The following LRRTM4 variants were observed in gnomAD, a reference collection of about 807,000 sequenced individuals.
LRRTM4 encodes leucine-rich repeat transmembrane neuronal protein 4.
A neutral mutation model predicts 47.6 loss-of-function variants in LRRTM4; 25 were observed. The observed-to-expected ratio is 0.53, with a 90% confidence interval of 0.38 to 0.73. The LOEUF is 0.73. Among genes scored for constraint, LRRTM4 ranks in the 30% least tolerant of loss-of-function variants. LRRTM4 has a pLI of 0.00. For synonymous variants in LRRTM4, 311 were observed against 269.5 expected (o/e 1.15, Z -1.51); for missense variants, 638 against 713.4 (o/e 0.89, Z 1.20).
chr2:76,909,566 A>C (rs368923209), intron 3 of LRRTM4, among the ~76,000 whole-genome samples: 6,721 of 151,966 alleles, frequency 0.044, 322 homozygotes, highest in East Asian at 0.13. Context: ...CAACCTACAA[A>C]ATGGGAGAAA....
intron 3 of LRRTM4, among the ~76,000 whole-genome samples, chr2:77,251,315 A>G (rs1183214546): frequency 6.6e-6 from 1 of 151,206 alleles, no homozygotes; most frequent in African/African-American, 2.4e-5. Flanking sequence ...ATTTTGAATT[A>G]TCATAAAAAA....
chr2:77,430,038 C>T (rs1207614283), intron 3 of LRRTM4, among the ~76,000 whole-genome samples: 1 of 151,922 alleles, frequency 6.6e-6, no homozygotes, highest in Admixed American at 6.6e-5. Context: ...TGCACTCCAG[C>T]AGCCTGGGCA....
chr2:76,877,661 C>A (rs185708721), intron 3 of LRRTM4, among the ~76,000 whole-genome samples: 2 of 152,096 alleles, frequency 1.3e-5, no homozygotes, highest in Non-Finnish European at 2.9e-5. Flanking sequence ...TCTAGAAATT[C>A]TATTTTCTTA....
chr2:76,837,679 A>G (rs1326555199), intron 3 of LRRTM4, among the ~76,000 whole-genome samples: 2 of 152,124 alleles, frequency 1.3e-5, no homozygotes, highest in African/African-American at 4.8e-5. Context: ...AAGACTTGGA[A>G]CCAACCCAAA....
intron 3 of LRRTM4, among the ~76,000 whole-genome samples, chr2:77,489,979 G>A (rs2104042084): frequency 6.6e-6 from 1 of 152,304 alleles, no homozygotes; most frequent in Admixed American, 6.5e-5. Context: ...GCCAGGCGTG[G>A]TGGCTAACGC....
At chr2:77,048,517 C>T (rs887262011) in intron 3 of LRRTM4, among the ~76,000 whole-genome samples, 17 of 151,910 alleles carry the variant, frequency 1.1e-4, no homozygotes, top group African/African-American at 4.1e-4. Context: ...TGATTAAAAC[C>T]ATGCTGGAAA....
At chr2:77,140,020 A>C (rs1672072587) in intron 3 of LRRTM4, among the ~76,000 whole-genome samples, 1 of 152,202 alleles carries the variant, frequency 6.6e-6, no homozygotes, top group African/African-American at 2.4e-5. Flanking sequence ...GGATACAAAG[A>C]ATCAATATCC....
intron 3 of LRRTM4, among the ~76,000 whole-genome samples, chr2:76,952,805 G>A (rs1213689087): frequency 1.4e-5 from 2 of 140,930 alleles, no homozygotes; most frequent in Non-Finnish European, 1.5e-5. Context: ...GTCCGCCAGT[G>A]TGGGGGACTG....
intron 3 of LRRTM4, among the ~76,000 whole-genome samples, chr2:77,075,157 CTT>C (rs1680290810): frequency 6.6e-6 from 1 of 152,174 alleles, no homozygotes; most frequent in African/African-American, 2.4e-5. Context: ...TACCTGGTAA[CTT>C]TGAAGATGAA....
intron 3 of LRRTM4, among the ~76,000 whole-genome samples, chr2:76,907,040 A>AT (rs757809077): frequency 2.0e-5 from 3 of 152,188 alleles, no homozygotes; most frequent in South Asian, 2.1e-4. Flanking sequence ...CACAATATAC[A>AT]TTTTTTTCAG....
chr2:77,373,717 T>G (rs1317970061), intron 3 of LRRTM4, among the ~76,000 whole-genome samples: 1 of 151,796 alleles, frequency 6.6e-6, no homozygotes, highest in African/African-American at 2.4e-5. Flanking sequence ...CCTTCATTTT[T>G]AAAGCTATAC....
Position 76,834,976 on chromosome 2 carries a change from T to C in LRRTM4, c.1552-86060A>G, listed in dbSNP as rs557402935. 8.5e-5 allele frequency among the ~76,000 whole-genome samples: 13 copies of C among 152,280 alleles called. No homozygotes were observed. In the East Asian group the frequency reaches 2.5e-3, roughly 29 times the overall value. On this transcript the variant is annotated intron_variant, in intron 3 of 3. Transcript: ENST00000409884. Reference sequence around the variant, plus strand: ...CATCAAAATCCTTGCAGCCTAACTCTGGTTTCCAAGATACATTCCATCAAG... The same window carrying C: ...CATCAAAATCCTTGCAGCCTAACTCCGGTTTCCAAGATACATTCCATCAAG...
intron 3 of LRRTM4, among the ~76,000 whole-genome samples, chr2:77,018,497 A>C (rs1468958732): frequency 1.3e-5 from 2 of 152,156 alleles, no homozygotes; most frequent in South Asian, 4.1e-4. Flanking sequence ...GGATTAACGC[A>C]TGATGGCTAT....
At chr2:76,898,297 T>C (rs1330281796) in intron 3 of LRRTM4, among the ~76,000 whole-genome samples, 1 of 152,152 alleles carries the variant, frequency 6.6e-6, no homozygotes, top group Non-Finnish European at 1.5e-5. Context: ...GCTATCCAAT[T>C]TATCCTATCA....
chr2:76,806,230 C>A (rs1675960361), intron 3 of LRRTM4, among the ~76,000 whole-genome samples: 1 of 152,062 alleles, frequency 6.6e-6, no homozygotes, highest in Non-Finnish European at 1.5e-5. Context: ...GTGGAACCTA[C>A]CTTAAACTGT....
rs548411287 is a variant in LRRTM4 at position 77,168,704 on chromosome 2, C to T, written c.1551+349614G>A. Among the ~76,000 whole-genome samples, 13 of 152,242 alleles carry T rather than the reference C, an allele frequency of 8.5e-5. No individual in the cohort carries two copies. The South Asian group carries it at 1.9e-3, about 22-fold the overall frequency. On this transcript the variant is annotated intron_variant, in intron 3 of 3. Transcript: ENST00000409884. ...TAACCAACCTCTCTTCACCCCCATTCATCCTTCCCACCTTTTGAAAAGCAT... is the reference window on the plus strand; with the variant it reads ...TAACCAACCTCTCTTCACCCCCATTTATCCTTCCCACCTTTTGAAAAGCAT...
chr2:76,759,495 T>C (rs1272952452), intron 3 of LRRTM4, among the ~76,000 whole-genome samples: 1 of 152,270 alleles, frequency 6.6e-6, no homozygotes, highest in East Asian at 1.9e-4. Flanking sequence ...AGGGACACTC[T>C]TAAGCCAGCA....
intron 3 of LRRTM4, among the ~76,000 whole-genome samples, chr2:77,071,789 T>C (rs1488406664): frequency 1.3e-5 from 2 of 152,160 alleles, no homozygotes; most frequent in African/African-American, 4.8e-5. Context: ...AATTCAAGAA[T>C]ATACAGTATC....
At chr2:76,777,240 G>C (rs1460800361) in intron 3 of LRRTM4, among the ~76,000 whole-genome samples, 1 of 150,124 alleles carries the variant, frequency 6.7e-6, no homozygotes, top group South Asian at 2.2e-4. Context: ...TTGGCCATGC[G>C]GGCTCTTTTT....
Sources: allele counts gnomAD v4.1 joint callset (sites outside exome capture counted in the v4.1 genomes callset), GRCh38; gene constraint gnomAD v4.1.1; transcripts MANE v1.5; gene names NCBI Gene and HGNC (gene_info 2026-07-23, HGNC 2026-07-21).